PTPRT: variants seen among roughly 807,000 people sequenced by gnomAD.
PTPRT encodes the protein protein tyrosine phosphatase receptor type T.
Under a neutral mutation model 176.8 loss-of-function variants are expected in PTPRT, and 56 were observed. That is an observed-to-expected ratio of 0.32 (90% confidence interval 0.26 to 0.40). The LOEUF (loss-of-function observed/expected upper bound fraction) is 0.40. Among genes scored for constraint, PTPRT ranks in the 10% least tolerant of loss-of-function variants. The pLI is 1.00. For missense variants in PTPRT, 1,540 were observed against 1,908.2 expected (o/e 0.81, Z 3.60); for synonymous variants, 783 against 739.0 (o/e 1.06, Z -0.96).
chr20:42,265,863 A>G (rs2146980908), intron 13 of PTPRT, among the ~76,000 whole-genome samples: 1 of 152,280 alleles, frequency 6.6e-6, no homozygotes, highest in South Asian at 2.1e-4. Context: ...CCTGGGTCTG[A>G]GTAAAGCTGC....
chr20:42,134,865 A>T (rs1297406055), intron 18 of PTPRT, among the ~76,000 whole-genome samples: 1 of 152,190 alleles, frequency 6.6e-6, no homozygotes, highest in Non-Finnish European at 1.5e-5. Context: ...GTCTTGCATG[A>T]TCTGATGGTT....
chr20:42,502,363 G>A (rs1185821078), intron 7 of PTPRT, among the ~76,000 whole-genome samples: 1 of 150,640 alleles, frequency 6.6e-6, no homozygotes, highest in Non-Finnish European at 1.5e-5. Flanking sequence ...ATTGCTTTTG[G>A]AGGGATAGGC....
At chr20:42,423,278 A>T (rs2059136954) in intron 9 of PTPRT, among the ~76,000 whole-genome samples, 1 of 150,980 alleles carries the variant, frequency 6.6e-6, no homozygotes, top group East Asian at 1.9e-4. Context: ...ATCCCTTTCC[A>T]CCATGTGGCA....
intron 9 of PTPRT, among the ~76,000 whole-genome samples, chr20:42,405,637 G>A (rs1295905404): frequency 6.6e-6 from 1 of 152,156 alleles, no homozygotes; most frequent in African/African-American, 2.4e-5. Flanking sequence ...ATTGTGAATA[G>A]TGCCGCAATA....
rs1255746056 is a variant in PTPRT at position 42,390,701 on chromosome 20, A to T, written c.1561-38416T>A. ...CCCCCAGTCCCAGTCCAACCTTCAGATGACTGTAGCCCCAGCTGACATCTC... is the reference window on the plus strand; with the variant it reads ...CCCCCAGTCCCAGTCCAACCTTCAGTTGACTGTAGCCCCAGCTGACATCTC... On this transcript the variant is annotated intron_variant, in intron 9 of 30. Transcript: ENST00000373187. Among the ~76,000 whole-genome samples, 4 of 152,286 alleles carry T rather than the reference A, an allele frequency of 2.6e-5. No individual in the cohort carries two copies. The South Asian group carries it at 8.3e-4, about 32-fold the overall frequency.
intron 9 of PTPRT, among the ~76,000 whole-genome samples, chr20:42,433,684 C>T (rs1008079394): frequency 1.3e-5 from 2 of 152,182 alleles, no homozygotes; most frequent in African/African-American, 4.8e-5. Flanking sequence ...CTTCTAACCT[C>T]GAGTTTATGG....
intron 9 of PTPRT, among the ~76,000 whole-genome samples, chr20:42,369,424 C>A (rs192301355): frequency 6.0e-4 from 91 of 152,252 alleles, no homozygotes; most frequent in African/African-American, 2.1e-3. Context: ...ATTTTAATAC[C>A]CTCTCTACCC....
chr20:43,075,615 A>G (rs2011254801), intron 1 of PTPRT, among the ~76,000 whole-genome samples: 2 of 152,242 alleles, frequency 1.3e-5, no homozygotes, highest in South Asian at 2.1e-4. Context: ...GAACTCTTCC[A>G]TTTAAAGGTA....
At chr20:42,648,822 T>TTTTTTTTTTTGTTTTG (rs1569054260) in intron 7 of PTPRT, among the ~76,000 whole-genome samples, 6 of 42,334 alleles carry the variant, frequency 1.4e-4, no homozygotes, top group Non-Finnish European at 2.5e-4. Context: ...GTGTCGTTGT[T>TTTTTTTTTTTGTTTTG]TTTTTTTTTT....
intron 7 of PTPRT, among the ~76,000 whole-genome samples, chr20:42,651,269 A>C (rs974535596): frequency 1.3e-5 from 2 of 152,318 alleles, no homozygotes; most frequent in Admixed American, 1.3e-4. Flanking sequence ...AGGAATTAAC[A>C]AACATGGCCA....
At chr20:42,956,464 C>G (rs1981644985) in intron 1 of PTPRT, among the ~76,000 whole-genome samples, 1 of 148,900 alleles carries the variant, frequency 6.7e-6, no homozygotes, top group African/African-American at 2.6e-5. Flanking sequence ...TGTGAGACAC[C>G]TGCTCCCCCT....
At chr20:42,724,268 T>G (rs1056873914) in intron 6 of PTPRT, among the ~76,000 whole-genome samples, 1 of 152,144 alleles carries the variant, frequency 6.6e-6, no homozygotes, top group African/African-American at 2.4e-5. Flanking sequence ...ACACCAGCTG[T>G]GTGGTTGTTT....
intron 13 of PTPRT, among the ~76,000 whole-genome samples, chr20:42,278,422 A>C (rs1600770977): frequency 6.6e-6 from 1 of 151,802 alleles, no homozygotes; most frequent in East Asian, 2.0e-4. Context: ...GTAATAAGAG[A>C]ATAAAAGGAT....
intron 7 of PTPRT, among the ~76,000 whole-genome samples, chr20:42,608,771 G>T (rs372082207): frequency 1.3e-5 from 2 of 152,128 alleles, no homozygotes; most frequent in East Asian, 3.9e-4. Flanking sequence ...GCTTCTCACC[G>T]CATACAGAGT....
At chr20:42,258,435 T>C (rs948779607) in intron 13 of PTPRT, among the ~76,000 whole-genome samples, 1 of 152,228 alleles carries the variant, frequency 6.6e-6, no homozygotes, top group Non-Finnish European at 1.5e-5. Context: ...GCCTTTCATA[T>C]GTTGCAGTTA....
intron 1 of PTPRT, among the ~76,000 whole-genome samples, chr20:43,180,423 G>T (rs538858492): frequency 6.9e-6 from 1 of 145,878 alleles, no homozygotes; most frequent in Non-Finnish European, 1.5e-5. Flanking sequence ...TATATAGAAA[G>T]AGAGGGAGAG....
chr20:42,922,503 T>C lies in PTPRT; in HGVS notation c.89-36571A>G, dbSNP rs143249707. ...CTGGATGTCCAGTAGACATCTCAAGTCTCACATGCCCAAAGCCAATATCGA... is the reference window on the plus strand; with the variant it reads ...CTGGATGTCCAGTAGACATCTCAAGCCTCACATGCCCAAAGCCAATATCGA... On this transcript the variant is annotated intron_variant, in intron 1 of 30. Coordinates refer to ENST00000373187, the MANE Select transcript of PTPRT (RefSeq NM_007050.6). Among the ~76,000 whole-genome samples the C allele has an allele frequency of 5.3e-3, 812 of 152,300 alleles. 9 individuals are homozygous for C. Among genetic ancestry groups the C allele is most frequent in the African/African-American group, 0.018 (768 of 41,560 alleles).
chr20:42,846,000 A>G (rs1432992880), intron 2 of PTPRT, among the ~76,000 whole-genome samples: 1 of 152,070 alleles, frequency 6.6e-6, no homozygotes, highest in Non-Finnish European at 1.5e-5. Context: ...CTGCAAGGGA[A>G]GCTGAGCATC....
At chr20:43,043,628 T>G (rs976261372) in intron 1 of PTPRT, among the ~76,000 whole-genome samples, 1 of 152,128 alleles carries the variant, frequency 6.6e-6, no homozygotes, top group African/African-American at 2.4e-5. Flanking sequence ...CCTCTGAGCT[T>G]CACAATCCTA....
Sources: gnomAD v4.1 joint callset for allele counts (sites outside exome capture counted in the v4.1 genomes callset) on GRCh38, gnomAD v4.1.1 for gene constraint, MANE v1.5 for transcripts, NCBI Gene and HGNC (gene_info 2026-07-23, HGNC 2026-07-21) for gene names.